Variants in DPEP1 observed in about 807,000 individuals in gnomAD.
DPEP1 encodes dipeptidase 1.
DPEP1 carries 50 observed loss-of-function variants against 42.3 expected under a neutral mutation model. That is an observed-to-expected ratio of 1.18 (90% confidence interval 0.94 to 1.50). DPEP1 has a LOEUF of 1.50. DPEP1 is among the 40% of genes most tolerant of loss of function. The pLI, the probability that DPEP1 is intolerant of heterozygous loss-of-function variation, is 0.00. For synonymous variants in DPEP1, 297 were observed against 234.0 expected, an observed-to-expected ratio of 1.27 and a Z score of -2.46; for missense variants, 663 against 553.0, an observed-to-expected ratio of 1.20 and a Z score of -1.99.
chr16:89,639,084 T>C (rs548284908), downstream of DPEP1, among the ~76,000 whole-genome samples: 1 of 11,256 alleles, frequency 8.9e-5, no homozygotes, highest in Non-Finnish European at 1.6e-4. Context: ...ACACACCCCA[T>C]TCCTGCACAC....
In DPEP1 at chr16:89,638,375, T is replaced by C; in HGVS notation, c.*153T>C. The C allele has an allele frequency of 1.4e-6, 2 of 1,423,082 alleles. No homozygotes were observed. The highest frequency in any genetic ancestry group is 3.1e-5 in the South Asian group (2 of 64,236). 88.2% of individuals were successfully genotyped at this position (1,423,082 alleles called of 1,614,324 possible). A position where few individuals can be genotyped will look rare whatever the true frequency, so the allele number is the denominator to read the frequency against. On this transcript the variant is annotated 3_prime_UTR_variant, in exon 11 of 11. Coordinates refer to ENST00000690203, the MANE Select transcript of DPEP1 (RefSeq NM_001389466.1). ...GGGCTTACCTGGGGGGCAGGATGCCTGGGGACAGTTCAGGACACACACACA... is the reference window on the plus strand; with the variant it reads ...GGGCTTACCTGGGGGGCAGGATGCCCGGGGACAGTTCAGGACACACACACA...
rs61452150 is a variant in DPEP1, at chr16:89,629,509, ACC to A, written c.-106-788_-106-787del. On this transcript the variant is annotated intron_variant, in intron 1 of 10. Coordinates refer to ENST00000690203, the MANE Select transcript of DPEP1 (RefSeq NM_001389466.1). Reference sequence around the variant, plus strand: ...CCTCCTTCCCTGCCGGGCTCCCCCCACCCCCCCCCGAAGCCTCTGACCAGTTT... The same window carrying A: ...CCTCCTTCCCTGCCGGGCTCCCCCCACCCCCCCGAAGCCTCTGACCAGTTT... Among the ~76,000 whole-genome samples, 379 of 106,982 alleles carry A rather than the reference ACC, an allele frequency of 3.5e-3. 1 individual carries two copies. Among genetic ancestry groups the A allele is most frequent in the African/African-American group, 0.013 (358 of 26,938 alleles). The allele number at this position is 106,982 out of a possible 152,430, so 70.2% of individuals were successfully genotyped here.
chr16:89,616,697 A>G lies in DPEP1; in HGVS notation c.-107+2978A>G, dbSNP rs1310147405. On this transcript the variant is annotated intron_variant, in intron 1 of 10. Transcript: ENST00000690203. The stretch of plus-strand genomic sequence containing the variant: ...CGGCTGGGCCTTCTCCCCTCAGCAC[A>G]CTCCGCGAAGGGCAGTGCAAACGCA... Among the ~76,000 whole-genome samples the G allele has an allele frequency of 2.0e-5, 3 of 152,044 alleles. No individual in the cohort carries two copies. The East Asian group carries it at 5.8e-4, about 29-fold the overall frequency.
rs1330645425 is a variant in DPEP1 at position 89,634,084 on chromosome 16, T to TCTC, written c.105-1822_105-1821insCCT. On this transcript the variant is annotated intron_variant, in intron 2 of 10. Transcript: ENST00000690203. Reference sequence around the variant, plus strand: ...GCATTTCTATTTTTCTTTTCTCTTCTCTTCTTCTTTTTTTTTTTTTTTTGG... The same window carrying TCTC: ...GCATTTCTATTTTTCTTTTCTCTTCTCTCCTTCTTCTTTTTTTTTTTTTTTTGG... Among the ~76,000 whole-genome samples the TCTC allele has an allele frequency of 7.5e-4, 82 of 110,050 alleles. 2 individuals are homozygous for TCTC. Among genetic ancestry groups the TCTC allele is most frequent in the Non-Finnish European group, 1.0e-3 (56 of 54,716 alleles). The allele number at this position is 110,050 out of a possible 152,430, so 72.2% of individuals were successfully genotyped here.
chr16:89,626,694 A>AC (rs1273692956), intron 1 of DPEP1, among the ~76,000 whole-genome samples: 1 of 148,924 alleles, frequency 6.7e-6, no homozygotes, highest in Non-Finnish European at 1.5e-5. Flanking sequence ...TCCCCCCCTC[A>AC]AACTCTCTCC....
Position 89,637,096 on chromosome 16 carries a change from C to T in DPEP1, c.592-108C>T. The T allele has an allele frequency of 3.3e-6, 5 of 1,532,808 alleles. No individual in the cohort carries two copies. The African/African-American group carries it at 6.8e-5, about 21-fold the overall frequency. The allele number at this position is 1,532,808 out of a possible 1,614,324, so 95.0% of individuals were successfully genotyped here. On this transcript the variant is annotated intron_variant, in intron 6 of 10. Transcript: ENST00000690203. ...GGTGGGTGCTGAGCCCTGAGTGGCC[C>T]CGGACTTCCAGCCACGAAGGATGAT... is the stretch of plus-strand genomic sequence containing the variant.
downstream of DPEP1, chr16:89,638,445 G>A (rs963037905): frequency 3.8e-6 from 5 of 1,322,672 alleles, no homozygotes; most frequent in Admixed American, 3.6e-5. Flanking sequence ...CCTGGGGTAC[G>A]TGTCATCGGC....
In DPEP1 at chr16:89,637,216, G is replaced by T. The variant is rs771235291; in HGVS notation, c.604G>T (p.Glu202Ter). ...LSPFGQRVVK[E>*]LNRLGVLIDL... Reference sequence around the variant, plus strand: ...CCTGTCTTCCCAGCGTGTGGTGAAGGAGCTGAACCGTCTGGGGGTCCTCAT... The same window carrying T: ...CCTGTCTTCCCAGCGTGTGGTGAAGTAGCTGAACCGTCTGGGGGTCCTCAT... The change falls in exon 7 of 11, where the codon GAG (glutamate) becomes TAG (stop). Residue 202 changes from glutamate to a stop codon, truncating the protein, a stop_gained. Transcript: ENST00000690203. LOFTEE classifies it high-confidence loss of function. The T allele has an allele frequency of 1.2e-6, 2 of 1,612,478 alleles. No individual in the cohort carries two copies. The highest frequency in any genetic ancestry group is 1.7e-5 in the Admixed American group (1 of 59,990).
At chr16:89,614,647 T>A (rs1401094061) in intron 1 of DPEP1, among the ~76,000 whole-genome samples, 2 of 152,004 alleles carry the variant, frequency 1.3e-5, no homozygotes, top group African/African-American at 2.4e-5. Flanking sequence ...TACAAAAAAT[T>A]AGCCGGGCGT....
At chr16:89,625,011 G>A (rs2151484579) in intron 1 of DPEP1, among the ~76,000 whole-genome samples, 1 of 151,956 alleles carries the variant, frequency 6.6e-6, no homozygotes, top group East Asian at 1.9e-4. Context: ...GGGGCTGTAC[G>A]AGAGCAGCCT....
intron 1 of DPEP1, among the ~76,000 whole-genome samples, chr16:89,625,206 G>T (rs766304031): frequency 6.6e-6 from 1 of 151,978 alleles, no homozygotes; most frequent in Non-Finnish European, 1.5e-5. Flanking sequence ...ACAAATTAGC[G>T]TCCCATTCCC....
chr16:89,628,256 CTT>C (rs1206308709), intron 1 of DPEP1, among the ~76,000 whole-genome samples: 3 of 79,206 alleles, frequency 3.8e-5, no homozygotes, highest in Non-Finnish European at 3.4e-5. Context: ...TCTTTTCTTT[CTT>C]TTTTTTTTTT....
At chr16:89,626,274 C>T (rs544457274) in intron 1 of DPEP1, among the ~76,000 whole-genome samples, 6 of 152,268 alleles carry the variant, frequency 3.9e-5, no homozygotes, top group South Asian at 2.1e-4. Flanking sequence ...GTGAGTGCAT[C>T]GTGGGGCCAT....
intron 1 of DPEP1, among the ~76,000 whole-genome samples, chr16:89,629,222 G>A (rs776149549): frequency 4.6e-5 from 7 of 152,140 alleles, no homozygotes; most frequent in Non-Finnish European, 1.0e-4. Flanking sequence ...ATCATGACCT[G>A]GGCATGGTGG....
chr16:89,621,372 C>G (rs979584596), intron 1 of DPEP1, among the ~76,000 whole-genome samples: 2 of 148,186 alleles, frequency 1.3e-5, no homozygotes, highest in South Asian at 2.2e-4. Flanking sequence ...GGGAGGGAGG[C>G]GTTGGGGGCA....
At chr16:89,637,587 G>C (rs371395043) in intron 8 of DPEP1, 35 bp downstream of exon 8, 37 of 1,612,838 alleles carry the variant, frequency 2.3e-5, no homozygotes, top group Non-Finnish European at 3.1e-5. Context: ...GGGGCCGAAG[G>C]GGGAGGGCCT....
downstream of DPEP1, among the ~76,000 whole-genome samples, chr16:89,639,817 C>T (rs971913959): frequency 6.6e-6 from 1 of 152,236 alleles, no homozygotes; most frequent in African/African-American, 2.4e-5. Context: ...TCCTGAGTAG[C>T]TGGGATTACA....
At chr16:89,624,874 C>T (rs1253636709) in intron 1 of DPEP1, among the ~76,000 whole-genome samples, 2 of 152,150 alleles carry the variant, frequency 1.3e-5, no homozygotes. Flanking sequence ...GGTTCCTATA[C>T]CTCTTATCTG....
In DPEP1 at chr16:89,614,698, A is replaced by C. The variant is rs546126290; in HGVS notation, c.-107+979A>C. Among the ~76,000 whole-genome samples the C allele has an allele frequency of 2.8e-3, 424 of 152,268 alleles. 3 individuals carry two copies. The highest frequency in any genetic ancestry group is 3.6e-3 in the Non-Finnish European group (245 of 68,002). ...TAGTCCCAGCTACTCGGGAGGCTGA[A>C]GCAGGAGAATGGCGTGAACCCGGGA... On this transcript the variant is annotated intron_variant, in intron 1 of 10. Coordinates refer to ENST00000690203, the MANE Select transcript of DPEP1 (RefSeq NM_001389466.1).
Sources: gnomAD v4.1 joint callset for allele counts (sites outside exome capture counted in the v4.1 genomes callset) on GRCh38, gnomAD v4.1.1 for gene constraint, MANE v1.5 for transcripts, NCBI Gene and HGNC (gene_info 2026-07-23, HGNC 2026-07-21) for gene names.